The following GRIA4 variants were observed in gnomAD, a reference collection of about 807,000 sequenced individuals.
The protein encoded by GRIA4 is glutamate ionotropic receptor AMPA type subunit 4, also known as glutamate receptor 4.
GRIA4 carries 34 observed loss-of-function variants against 104.0 expected under a neutral mutation model. That is an observed-to-expected ratio of 0.33 (90% CI 0.25 to 0.44). The LOEUF is 0.44. GRIA4 is among the 20% of genes least tolerant of loss of function. The pLI, the probability that GRIA4 is intolerant of heterozygous loss-of-function variation, is 1.00. For missense variants in GRIA4, 750 were observed against 1,096.5 expected (o/e 0.68, Z 4.46); for synonymous variants, 386 against 381.9 (o/e 1.01, Z -0.13).
intron 3 of GRIA4, among the ~76,000 whole-genome samples, chr11:105,724,967 A>G (rs1428302581): frequency 2.0e-5 from 3 of 152,148 alleles, no homozygotes; most frequent in Non-Finnish European, 4.4e-5. Flanking sequence ...CCAAATTTAG[A>G]AATCAATGTT....
chr11:105,946,631 T>A (rs201372824), intron 14 of GRIA4, among the ~76,000 whole-genome samples: 1 of 151,612 alleles, frequency 6.6e-6, no homozygotes, highest in East Asian at 1.9e-4. Flanking sequence ...TTTAAAAATC[T>A]AAAAGTTGAG....
At chr11:105,873,236 C>T (rs1945683478) in intron 5 of GRIA4, among the ~76,000 whole-genome samples, 2 of 152,138 alleles carry the variant, frequency 1.3e-5, no homozygotes, top group African/African-American at 2.4e-5. Context: ...CATCCATGTT[C>T]CTGCAAAGGA....
At chr11:105,854,459 A>G (rs772484266) in intron 4 of GRIA4, among the ~76,000 whole-genome samples, 1 of 152,180 alleles carries the variant, frequency 6.6e-6, no homozygotes, top group Non-Finnish European at 1.5e-5. Context: ...GGATGACGTC[A>G]GTATAAAGGA....
chr11:105,951,268 G>T (rs184994129), intron 14 of GRIA4, among the ~76,000 whole-genome samples: 23 of 152,202 alleles, frequency 1.5e-4, no homozygotes, highest in African/African-American at 4.8e-4. Context: ...CAGGGCATCT[G>T]CATGAAAGAC....
At chr11:105,856,631 T>TA (rs1945017468) in intron 4 of GRIA4, among the ~76,000 whole-genome samples, 1 of 152,148 alleles carries the variant, frequency 6.6e-6, no homozygotes, top group South Asian at 2.1e-4. Flanking sequence ...AGGTCCAAGT[T>TA]AAAATCCCAC....
In GRIA4 at chr11:105,874,432, T is replaced by C. The variant is rs11226870; in HGVS notation, c.672+12224T>C. Reference sequence around the variant, plus strand: ...TTTCGGTTCCATATGAAATTTAAAGTAGTTTTTTCTAACCCGGTGAAGAAA... The same window carrying C: ...TTTCGGTTCCATATGAAATTTAAAGCAGTTTTTTCTAACCCGGTGAAGAAA... On this transcript the variant is annotated intron_variant, in intron 5 of 16. Coordinates refer to ENST00000282499, the MANE Select transcript of GRIA4 (RefSeq NM_000829.4). 0.036 allele frequency among the ~76,000 whole-genome samples: 5,553 copies of C among 152,282 alleles called. 502 individuals are homozygous for C. The East Asian group carries it at 0.39, about 11-fold the overall frequency.
chr11:105,865,843 T>C (rs143311598), intron 5 of GRIA4, among the ~76,000 whole-genome samples: 146 of 152,280 alleles, frequency 9.6e-4, no homozygotes, highest in African/African-American at 3.2e-3. Context: ...GCCAAAGTAA[T>C]TGAGCAAAAT....
At chr11:105,800,251 T>G (rs1185604359) in intron 4 of GRIA4, among the ~76,000 whole-genome samples, 1 of 152,034 alleles carries the variant, frequency 6.6e-6, no homozygotes, top group Non-Finnish European at 1.5e-5. Flanking sequence ...TGAGAGTGAG[T>G]GACTACAGTG....
rs970593205 is a variant in GRIA4, at chr11:105,797,926, G to A, written c.487+44706G>A. The stretch of plus-strand genomic sequence containing the variant: ...TGGAAATTACATACATTTTTGGAAT[G>A]AGCTGATGCCAAGTTTGAATTCTGC... On this transcript the variant is annotated intron_variant, in intron 4 of 16. Transcript: ENST00000282499. 12 of 401,654 alleles carry A rather than the reference G, an allele frequency of 3.0e-5. No homozygotes were observed. The East Asian group carries it at 3.0e-4, about 10-fold the overall frequency. The allele number at this position is 401,654 out of a possible 1,614,324, so 24.9% of individuals were successfully genotyped here.
At chr11:105,731,697 TA>T (rs1426333868) in intron 3 of GRIA4, among the ~76,000 whole-genome samples, 11 of 151,936 alleles carry the variant, frequency 7.2e-5, no homozygotes, top group East Asian at 5.8e-4. Flanking sequence ...TATACAGCCA[TA>T]AAAAAAGAAT....
intron 6 of GRIA4, among the ~76,000 whole-genome samples, chr11:105,897,233 A>T (rs990037532): frequency 2.0e-5 from 3 of 152,098 alleles, no homozygotes; most frequent in Admixed American, 2.0e-4. Flanking sequence ...TGGCTATAGA[A>T]ATGCAACTGA....
chr11:105,879,614 TG>T lies in GRIA4; in HGVS notation c.673-7904del, dbSNP rs1945971879. On this transcript the variant is annotated intron_variant, in intron 5 of 16. Coordinates refer to ENST00000282499, the MANE Select transcript of GRIA4 (RefSeq NM_000829.4). ...AAAGTTTACCTGATAATTCTCCACCTGTGTGTCCCTGTCTTAGCCCCATACA... is the reference window on the plus strand; with the variant it reads ...AAAGTTTACCTGATAATTCTCCACCTTGTGTCCCTGTCTTAGCCCCATACA... Among the ~76,000 whole-genome samples, 3 of 152,326 alleles carry T rather than the reference TG, an allele frequency of 2.0e-5. No homozygotes were observed. In the South Asian group the frequency reaches 6.2e-4, roughly 32 times the overall value.
At chr11:105,950,519 G>C (rs1948430898) in intron 14 of GRIA4, among the ~76,000 whole-genome samples, 1 of 144,636 alleles carries the variant, frequency 6.9e-6, no homozygotes. Context: ...CAAAAGATTA[G>C]AACTTAAATC....
intron 4 of GRIA4, among the ~76,000 whole-genome samples, chr11:105,820,797 G>A (rs1044939346): frequency 2.6e-4 from 39 of 152,136 alleles, no homozygotes; most frequent in African/African-American, 9.4e-4. Context: ...AGCCCTTTAA[G>A]GAACAACAGA....
chr11:105,821,394 G>A (rs1193643567), intron 4 of GRIA4, among the ~76,000 whole-genome samples: 1 of 152,058 alleles, frequency 6.6e-6, no homozygotes, highest in Non-Finnish European at 1.5e-5. Flanking sequence ...AAGAAAAGAT[G>A]TTTAATTGGC....
At chr11:105,979,449 AG>A in intron 16 of GRIA4, 125 bp from the exon 17 acceptor site, 1 of 828,506 alleles carries the variant, frequency 1.2e-6, no homozygotes, top group Non-Finnish European at 1.9e-6. Context: ...TATGACCAAA[AG>A]AACATGGAAA....
chr11:105,828,252 T>C (rs1009479969), intron 4 of GRIA4, among the ~76,000 whole-genome samples: 15 of 151,978 alleles, frequency 9.9e-5, no homozygotes, highest in African/African-American at 3.4e-4. Flanking sequence ...TGGGCGTTTG[T>C]AGAGGGAAAA....
rs993649088 is a variant in GRIA4 at position 105,981,847 on chromosome 11, T to A, written c.*2108T>A. ...CTGAATTTTACTTACCCTGAAAAGA[T>A]TTCCATGGCTATCCACCACCCCCCT... On this transcript the variant is annotated 3_prime_UTR_variant, in exon 17 of 17. Coordinates refer to ENST00000282499, the MANE Select transcript of GRIA4 (RefSeq NM_000829.4). 1 of 152,750 alleles carries A rather than the reference T, an allele frequency of 6.5e-6. No individual in the cohort carries two copies. The highest frequency in any genetic ancestry group is 2.4e-5 in the African/African-American group (1 of 41,420). The allele number at this position is 152,750 out of a possible 1,614,324, so 9.5% of individuals were successfully genotyped here.
At chr11:105,787,430 C>T (rs1942017820) in intron 4 of GRIA4, among the ~76,000 whole-genome samples, 2 of 147,652 alleles carry the variant, frequency 1.4e-5, no homozygotes, top group Admixed American at 1.4e-4. Context: ...TTGTAATCAA[C>T]ACAAGACAGA....
Sources: allele counts gnomAD v4.1 joint callset (sites outside exome capture counted in the v4.1 genomes callset), GRCh38; gene constraint gnomAD v4.1.1; transcripts MANE v1.5; gene names NCBI Gene and HGNC (gene_info 2026-07-23, HGNC 2026-07-21).